Variants in ATP11A observed in about 807,000 individuals in gnomAD.
The protein encoded by ATP11A is ATPase phospholipid transporting 11A, also known as phospholipid-transporting ATPase IH.
Under a neutral mutation model 154.4 loss-of-function variants are expected in ATP11A, and 81 were observed. The observed-to-expected ratio is 0.52, with a 90% CI of 0.44 to 0.63. The LOEUF (loss-of-function observed/expected upper bound fraction) is 0.63. Among genes scored for constraint, ATP11A ranks in the 30% least tolerant of loss-of-function variants. ATP11A has a pLI of 0.00. For synonymous variants in ATP11A, 623 were observed against 585.9 expected (o/e 1.06, Z -0.91); for missense variants, 1,316 against 1,474.3 (o/e 0.89, Z 1.76).
At chr13:112,866,534 G>T (rs932154673) in intron 25 of ATP11A, among the ~76,000 whole-genome samples, 2 of 151,484 alleles carry the variant, frequency 1.3e-5, no homozygotes, top group Non-Finnish European at 2.9e-5. Flanking sequence ...CCAGGCATTC[G>T]GTAGATGTCA....
intron 1 of ATP11A, among the ~76,000 whole-genome samples, chr13:112,710,381 C>G (rs1487498047): frequency 6.6e-6 from 1 of 152,218 alleles, no homozygotes; most frequent in East Asian, 1.9e-4. Context: ...TGTTTCCCGA[C>G]AGGATGTGAC....
intron 1 of ATP11A, among the ~76,000 whole-genome samples, chr13:112,764,275 G>T (rs2077025578): frequency 6.6e-6 from 1 of 152,216 alleles, no homozygotes; most frequent in Admixed American, 6.5e-5. Context: ...GCCCCGGCCT[G>T]TTCCTTATAG....
intron 17 of ATP11A, among the ~76,000 whole-genome samples, chr13:112,843,592 A>G (rs2079490016): frequency 6.6e-6 from 1 of 152,200 alleles, no homozygotes; most frequent in Non-Finnish European, 1.5e-5. Context: ...GCACCAAGGA[A>G]GGCTGAACCG....
intron 1 of ATP11A, among the ~76,000 whole-genome samples, chr13:112,719,781 C>T (rs891907035): frequency 6.6e-6 from 1 of 152,212 alleles, no homozygotes; most frequent in Admixed American, 6.5e-5. Flanking sequence ...CCTGTCACTT[C>T]TTTAAAGTTC....
chr13:112,765,808 G>T (rs753556659), intron 1 of ATP11A, among the ~76,000 whole-genome samples: 1 of 152,214 alleles, frequency 6.6e-6, no homozygotes, highest in East Asian at 1.9e-4. Context: ...AATAATTCTC[G>T]CTGCAGAGCT....
rs1321440089 is a variant in ATP11A, at chr13:112,697,315, G to A, written c.39+6860G>A. Among the ~76,000 whole-genome samples, 3 of 152,146 alleles carry A rather than the reference G, an allele frequency of 2.0e-5. No homozygotes were observed. The highest frequency in any genetic ancestry group is 4.4e-5 in the Non-Finnish European group (3 of 68,028). On this transcript the variant is annotated intron_variant, in intron 1 of 29. Transcript: ENST00000375645. The surrounding 1 kb of genome is among the most constrained non-coding windows in gnomAD (Gnocchi z 4.0). ...ACTGCCTGCTACACGCCACCCAGCC[G>A]TGTTCATTTCCGTGTTCCAGTGTCA...
At chr13:112,733,393 C>CGGAG (rs563619725) in intron 1 of ATP11A, among the ~76,000 whole-genome samples, 120 of 152,306 alleles carry the variant, frequency 7.9e-4, no homozygotes, top group African/African-American at 2.9e-3. Flanking sequence ...TTGTTTGATG[C>CGGAG]AGAGATTCTA....
chr13:112,801,829 A>G (rs992217982), intron 2 of ATP11A, among the ~76,000 whole-genome samples: 2 of 152,240 alleles, frequency 1.3e-5, no homozygotes, highest in Admixed American at 6.5e-5. Context: ...GGAAAACTCC[A>G]TGTTTTTAAG....
chr13:112,728,767 T>G (rs776471056), intron 1 of ATP11A, among the ~76,000 whole-genome samples: 32 of 152,214 alleles, frequency 2.1e-4, no homozygotes, highest in Non-Finnish European at 4.3e-4. Flanking sequence ...CTGTGATCGC[T>G]TACCTCTGCT....
intron 5 of ATP11A, among the ~76,000 whole-genome samples, chr13:112,810,972 T>C (rs2140162283): frequency 6.6e-6 from 1 of 152,014 alleles, no homozygotes; most frequent in South Asian, 2.1e-4. Context: ...ATACAAATAA[T>C]AAATGTTTTT....
In ATP11A at chr13:112,862,644, T is replaced by C. The variant is rs746614619; in HGVS notation, c.2991+69T>C. 100 of 1,602,376 alleles carry C rather than the reference T, an allele frequency of 6.2e-5. 1 individual carries two copies. Among genetic ancestry groups the C allele is most frequent in the Admixed American group, 3.2e-4 (19 of 59,244 alleles). ...AAAGCCTCCCAAGCCCATATGATGA[T>C]TTTGCCAAAGCAGAATTCAGTGCAG... On this transcript the variant is annotated intron_variant, in intron 25 of 29. Coordinates refer to ENST00000375645, the MANE Select transcript of ATP11A (RefSeq NM_015205.3).
chr13:112,837,016 C>T (rs1176852394), intron 16 of ATP11A, among the ~76,000 whole-genome samples: 2 of 152,240 alleles, frequency 1.3e-5, no homozygotes, highest in East Asian at 1.9e-4. Context: ...CAGCAGGTCA[C>T]GACACATGCC....
Position 112,714,589 on chromosome 13 carries a change from T to G in ATP11A, c.39+24134T>G, listed in dbSNP as rs566270693. Among the ~76,000 whole-genome samples, 127 of 152,340 alleles carry G rather than the reference T, an allele frequency of 8.3e-4. 1 individual carries two copies. The highest frequency in any genetic ancestry group is 1.8e-3 in the Admixed American group (27 of 15,308). ...TCTGGCTCCAGCCCCCTCTGCTGCC[T>G]TCTTTGTGTGTCTGTGATGGAATAC... On this transcript the variant is annotated intron_variant, in intron 1 of 29. Transcript: ENST00000375645.
rs138294767 is a variant in ATP11A at position 112,829,120 on chromosome 13, T to C, written c.1221+2229T>C. ...GGCAGTGCCCCGTTCTGCGATGCAGTGCTGCCTCCCGAGCACGAGTGCCTT... is the reference window on the plus strand; with the variant it reads ...GGCAGTGCCCCGTTCTGCGATGCAGCGCTGCCTCCCGAGCACGAGTGCCTT... On this transcript the variant is annotated intron_variant, in intron 12 of 29. Transcript: ENST00000375645. 7.0e-4 allele frequency among the ~76,000 whole-genome samples: 107 copies of C among 152,364 alleles called. No homozygotes were observed. In the East Asian group the frequency reaches 0.015, roughly 22 times the overall value.
intron 1 of ATP11A, among the ~76,000 whole-genome samples, chr13:112,756,736 C>G (rs938341015): frequency 6.6e-6 from 1 of 152,196 alleles, no homozygotes; most frequent in African/African-American, 2.4e-5. Flanking sequence ...CCTCTGCACC[C>G]CAGGGCAGCC....
chr13:112,775,844 T>C (rs1314291396), intron 1 of ATP11A, among the ~76,000 whole-genome samples: 4 of 152,148 alleles, frequency 2.6e-5, no homozygotes, highest in African/African-American at 9.7e-5. Flanking sequence ...GGGCGCGACT[T>C]AGTTCACGAC....
chr13:112,814,402 C>T (rs897822017), intron 5 of ATP11A, among the ~76,000 whole-genome samples: 26 of 151,958 alleles, frequency 1.7e-4, no homozygotes, highest in Admixed American at 5.2e-4. Context: ...CGTTCAGTGT[C>T]CTGAATGAAG....
At chr13:112,711,296 A>T (rs1183276328) in intron 1 of ATP11A, among the ~76,000 whole-genome samples, 1 of 152,144 alleles carries the variant, frequency 6.6e-6, no homozygotes, top group Non-Finnish European at 1.5e-5. Flanking sequence ...ATTGTCCCAA[A>T]TTACTTGTTA....
At chr13:112,811,461 A>T (rs114382798) in intron 5 of ATP11A, 1 of 152,212 alleles carries the variant, frequency 6.6e-6, no homozygotes, top group African/African-American at 2.4e-5. Context: ...CAATCAAGAC[A>T]GAGAAAGATT....
Sources: gnomAD v4.1 joint callset for allele counts (sites outside exome capture counted in the v4.1 genomes callset) on GRCh38, gnomAD v4.1.1 for gene constraint, Gnocchi (gnomAD v3.1) non-coding constraint, MANE v1.5 for transcripts, NCBI Gene and HGNC (gene_info 2026-07-23, HGNC 2026-07-21) for gene names.